CD8B: variants seen among roughly 807,000 people sequenced by gnomAD.
CD8B encodes T-cell surface glycoprotein CD8 beta chain.
CD8B carries 6 observed loss-of-function variants against 24.2 expected under a neutral mutation model. That is an observed-to-expected ratio of 0.25 (90% confidence interval 0.14 to 0.49). The LOEUF is 0.49. Among genes scored for constraint, CD8B ranks in the 20% least tolerant of loss-of-function variants. CD8B has a pLI of 0.98. For synonymous variants in CD8B, 84 were observed against 108.3 expected, an observed-to-expected ratio of 0.78 and a Z score of 1.39; for missense variants, 196 against 271.3, an observed-to-expected ratio of 0.72 and a Z score of 1.95.
chr2:86,824,355 C>T (rs1436632312), intron 5 of CD8B, among the ~76,000 whole-genome samples: 1 of 152,148 alleles, frequency 6.6e-6, no homozygotes, highest in African/African-American at 2.4e-5. Context: ...TGTTCTGCAT[C>T]TTTGTGCAGG....
chr2:86,825,769 T>C (rs1408554034), intron 5 of CD8B, among the ~76,000 whole-genome samples: 1 of 152,126 alleles, frequency 6.6e-6, no homozygotes, highest in Non-Finnish European at 1.5e-5. Context: ...AACAGCAGGC[T>C]CTAAGGGGGG....
At position 86,839,668 on chromosome 2, in the gene CD8B, C is replaced by T. The variant is rs962073628; in HGVS notation, c.*2639G>A. On this transcript the variant is annotated 3_prime_UTR_variant, in exon 6 of 6. Coordinates refer to ENST00000390655, the MANE Select transcript of CD8B (RefSeq NM_004931.5). Reference sequence around the variant, plus strand: ...AAACTGACAGAGGAGCGCAAACCACCCCTGCCCCCAGCCCAACCCCATGAG... The same window carrying T: ...AAACTGACAGAGGAGCGCAAACCACTCCTGCCCCCAGCCCAACCCCATGAG... 9.9e-5 allele frequency among the ~76,000 whole-genome samples: 15 copies of T among 152,240 alleles called. No homozygotes were observed. Among genetic ancestry groups the T allele is most frequent in the African/African-American group, 3.6e-4 (15 of 41,460 alleles).
intron 5 of CD8B, among the ~76,000 whole-genome samples, chr2:86,830,317 A>T (rs1360155594): frequency 6.6e-6 from 1 of 152,200 alleles, no homozygotes; most frequent in Non-Finnish European, 1.5e-5. Flanking sequence ...ATGGTGGCTC[A>T]CACCTGTAAT....
intron 4 of CD8B, among the ~76,000 whole-genome samples, chr2:86,845,496 A>T (rs1452912892): frequency 4.6e-5 from 7 of 152,028 alleles, no homozygotes; most frequent in Non-Finnish European, 8.8e-5. Context: ...GGGTCTTATT[A>T]TGTTGTCTAG....
At chr2:86,823,946 A>G (rs1364497625) in intron 5 of CD8B, among the ~76,000 whole-genome samples, 1 of 151,788 alleles carries the variant, frequency 6.6e-6, no homozygotes, top group Non-Finnish European at 1.5e-5. Context: ...CCAGGCAGAG[A>G]GAGGAGGGGC....
intron 5 of CD8B, among the ~76,000 whole-genome samples, chr2:86,826,118 C>T (rs529372715): frequency 3.3e-5 from 5 of 151,950 alleles, no homozygotes; most frequent in African/African-American, 9.7e-5. Context: ...CTTCAAAGCC[C>T]GGGAGGAAGT....
intron 5 of CD8B, chr2:86,844,639 T>C: frequency 6.8e-7 from 1 of 1,474,080 alleles, no homozygotes; most frequent in Non-Finnish European, 9.1e-7. Context: ...CATCTATTTA[T>C]ACAGTCTGTA....
At chr2:86,829,219 G>A (rs1438376587) in intron 5 of CD8B, among the ~76,000 whole-genome samples, 1 of 144,548 alleles carries the variant, frequency 6.9e-6, no homozygotes. Flanking sequence ...CCCCGCCTTA[G>A]CCTCAGCCTC....
At chr2:86,833,069 C>G (rs1050125438) in intron 5 of CD8B, 1 of 363,596 alleles carries the variant, frequency 2.8e-6, no homozygotes, top group Non-Finnish European at 5.5e-6. Context: ...GTCATAGGCA[C>G]AGGAACACAG....
At chr2:86,846,927 ATTTTTTTT>A (rs60980294) in intron 3 of CD8B, among the ~76,000 whole-genome samples, 154 bp from the exon 4 acceptor site, 6 of 58,856 alleles carry the variant, frequency 1.0e-4, no homozygotes, top group African/African-American at 3.8e-4. Context: ...TTCCTCAAGT[ATTTTTTTT>A]TTTTTTTTTT....
chr2:86,830,330 C>G (rs1674857965), intron 5 of CD8B, among the ~76,000 whole-genome samples: 1 of 152,142 alleles, frequency 6.6e-6, no homozygotes, highest in Non-Finnish European at 1.5e-5. Context: ...CCTGTAATCA[C>G]AGCACTTTGG....
rs1675366296 is a variant in CD8B at position 86,840,437 on chromosome 2, G to C, written c.*1870C>G. On this transcript the variant is annotated 3_prime_UTR_variant, in exon 6 of 6. Transcript: ENST00000390655. ...CCTTCCACTGCATCTCAGATGGAAA[G>C]GGAGACGGCCCTGGATTGACCACAG... Among the ~76,000 whole-genome samples the C allele has an allele frequency of 6.6e-6, 1 of 152,194 alleles. No individual in the cohort carries two copies. Among genetic ancestry groups the C allele is most frequent in the Non-Finnish European group, 1.5e-5 (1 of 68,036 alleles).
At chr2:86,825,485 A>C (rs946043245) in intron 5 of CD8B, among the ~76,000 whole-genome samples, 2 of 152,162 alleles carry the variant, frequency 1.3e-5, no homozygotes, top group Non-Finnish European at 2.9e-5. Flanking sequence ...AGTAAACCCC[A>C]GGCACACAAA....
intron 3 of CD8B, among the ~76,000 whole-genome samples, chr2:86,849,757 G>A (rs960821433): frequency 1.4e-5 from 2 of 146,552 alleles, no homozygotes; most frequent in African/African-American, 5.1e-5. Flanking sequence ...AGGCTGGAGT[G>A]CAATGGCGTG....
chr2:86,815,497 T>G, downstream of CD8B: 2 of 731,668 alleles, frequency 2.7e-6, no homozygotes, highest in Non-Finnish European at 2.5e-6. Flanking sequence ...ACTTGGGGGG[T>G]TGATGGTGGC....
In CD8B at chr2:86,858,064, C is replaced by G; in HGVS notation, c.396G>C (p.Leu132=). 1 of 1,613,724 alleles carries G rather than the reference C, an allele frequency of 6.2e-7. No individual in the cohort carries two copies. Among genetic ancestry groups the G allele is most frequent in the Non-Finnish European group, 8.5e-7 (1 of 1,179,628 alleles). The stretch of plus-strand genomic sequence containing the variant: ...ATTGAGCCTGCTTCTTACCCACACT[C>G]AGCTGAGTTCCCTTCCCGAAGGTCA... ...PELTFGKGTQ[L]SVVDFLPTTA... Residue 132 remains leucine (L), a synonymous_variant, in exon 2 of 6, where the codon CTG becomes CTC. Transcript: ENST00000390655.
intron 1 of CD8B, among the ~76,000 whole-genome samples, chr2:86,859,742 G>A (rs1030050515): frequency 1.3e-5 from 2 of 150,400 alleles, no homozygotes; most frequent in Admixed American, 6.6e-5. Flanking sequence ...GGGCAGAGAT[G>A]CAGGAGTTGG....
intron 1 of CD8B, among the ~76,000 whole-genome samples, chr2:86,859,149 C>T (rs2104586103): frequency 6.6e-6 from 1 of 152,140 alleles, no homozygotes. Context: ...CCCAGAATCA[C>T]AGCAGAGCAT....
At chr2:86,836,105 A>G (rs1461819270), downstream of CD8B, among the ~76,000 whole-genome samples, 1 of 147,612 alleles carries the variant, frequency 6.8e-6, no homozygotes, top group African/African-American at 2.5e-5. Context: ...AGCCTTGAGG[A>G]GCACAGAAAG....
Sources: allele counts gnomAD v4.1 joint callset (sites outside exome capture counted in the v4.1 genomes callset), GRCh38; gene constraint gnomAD v4.1.1; transcripts MANE v1.5; gene names NCBI Gene and HGNC (gene_info 2026-07-23, HGNC 2026-07-21).